The following KSR2 variants were observed in gnomAD, a reference collection of about 807,000 sequenced individuals.
The protein encoded by KSR2 is kinase suppressor of ras 2.
Under a neutral mutation model 107.8 loss-of-function variants are expected in KSR2, and 25 were observed. That is an observed-to-expected ratio of 0.23 (90% CI 0.17 to 0.32). The LOEUF is 0.32. KSR2 is among the 10% of genes least tolerant of loss of function. The probability of loss-of-function intolerance (pLI) is 1.00; values close to 1 mark genes in which losing one functional copy is unlikely to be tolerated. For missense variants in KSR2, 887 were observed against 1,268.9 expected (o/e 0.70, Z 4.57); for synonymous variants, 480 against 507.0 (o/e 0.95, Z 0.71).
intron 14 of KSR2, chr12:117,517,742 C>T: frequency 2.3e-6 from 1 of 431,594 alleles, no homozygotes; most frequent in South Asian, 1.7e-5. Context: ...GAAAGCGATT[C>T]AGCTTTTTGA....
At chr12:117,572,492 G>C (rs1401283872) in intron 7 of KSR2, among the ~76,000 whole-genome samples, 5 of 152,030 alleles carry the variant, frequency 3.3e-5, no homozygotes, top group Non-Finnish European at 7.4e-5. Flanking sequence ...TGAGCATCTC[G>C]AGGACAAGTT....
At chr12:117,947,205 A>AAAGAAAGAAAGAAAGAAAGAAAG (rs58567161) in intron 1 of KSR2, among the ~76,000 whole-genome samples, 11 of 69,256 alleles carry the variant, frequency 1.6e-4, no homozygotes, top group East Asian at 9.1e-4. Flanking sequence ...GAAAAGAAAG[A>AAAGAAAGAAAGAAAGAAAGAAAG]AAAGAAAGAA....
chr12:117,612,402 C>CA (rs11436103), intron 5 of KSR2, among the ~76,000 whole-genome samples: 7,265 of 123,548 alleles, frequency 0.059, 588 homozygotes, highest in African/African-American at 0.2. Context: ...GTCTCCGTCT[C>CA]AAAAACAAAA....
At chr12:117,534,100 C>A (rs1875855911) in intron 10 of KSR2, among the ~76,000 whole-genome samples, 1 of 151,832 alleles carries the variant, frequency 6.6e-6, no homozygotes, top group South Asian at 2.1e-4. Flanking sequence ...TGGGAGGCTG[C>A]AGATGAAGTC....
At chr12:117,572,373 C>T (rs1878948892) in intron 7 of KSR2, among the ~76,000 whole-genome samples, 1 of 152,142 alleles carries the variant, frequency 6.6e-6, no homozygotes, top group Non-Finnish European at 1.5e-5. Flanking sequence ...ATGCTCAGAG[C>T]CTGGTCCAGG....
chr12:117,682,428 T>G (rs1885404912), intron 4 of KSR2, among the ~76,000 whole-genome samples: 1 of 152,148 alleles, frequency 6.6e-6, no homozygotes, highest in Non-Finnish European at 1.5e-5. Flanking sequence ...TTTTTGTTTT[T>G]TTTTTTGAGA....
At chr12:117,958,768 C>CGGA (rs1448052560) in intron 1 of KSR2, among the ~76,000 whole-genome samples, 1 of 152,062 alleles carries the variant, frequency 6.6e-6, no homozygotes, top group Non-Finnish European at 1.5e-5. Context: ...TTGTAGTGAG[C>CGGA]GGAGATCACG....
At chr12:117,800,100 C>A (rs2084926574) in intron 3 of KSR2, among the ~76,000 whole-genome samples, 1 of 152,122 alleles carries the variant, frequency 6.6e-6, no homozygotes. Flanking sequence ...TTCTGAAGGC[C>A]CTTTGTATGT....
chr12:117,522,293 G>A (rs2137228662), intron 14 of KSR2, among the ~76,000 whole-genome samples: 1 of 152,242 alleles, frequency 6.6e-6, no homozygotes, highest in East Asian at 1.9e-4. Context: ...GGGTGAGGGA[G>A]GCATGGGGAT....
At chr12:117,947,353 TAGAA>T (rs1422847052) in intron 1 of KSR2, among the ~76,000 whole-genome samples, 25 of 152,066 alleles carry the variant, frequency 1.6e-4, no homozygotes, top group African/African-American at 4.6e-4. Context: ...GAGCCAGGAA[TAGAA>T]AGAAACTTCT....
At chr12:117,826,609 C>A (rs1219404846) in intron 3 of KSR2, among the ~76,000 whole-genome samples, 1 of 152,106 alleles carries the variant, frequency 6.6e-6, no homozygotes, top group Non-Finnish European at 1.5e-5. Flanking sequence ...GCAAGAGACA[C>A]ATGAAGTGTG....
At position 117,765,554 on chromosome 12, in the gene KSR2, A is replaced by G. The variant is rs192951208; in HGVS notation, c.473-4030T>C. On this transcript the variant is annotated intron_variant, in intron 3 of 19. Coordinates refer to ENST00000339824, the MANE Select transcript of KSR2 (RefSeq NM_173598.6). ...ACAAATATTTGAACACCCTTTACGT[A>G]CCAGGCACTGTTGTGGACACCAGAA... 3.9e-5 allele frequency among the ~76,000 whole-genome samples: 6 copies of G among 152,328 alleles called. No homozygotes were observed. The East Asian group carries it at 1.2e-3, about 29-fold the overall frequency.
At chr12:117,967,832 C>G (rs1896842937) in intron 1 of KSR2, among the ~76,000 whole-genome samples, 1 of 152,060 alleles carries the variant, frequency 6.6e-6, no homozygotes, top group African/African-American at 2.4e-5. Flanking sequence ...ATTACTACTA[C>G]TACTACCACC....
At position 117,907,308 on chromosome 12, in the gene KSR2, CACAGAGATGAA is replaced by C. The variant is rs569576557; in HGVS notation, c.181-46888_181-46878del. On this transcript the variant is annotated intron_variant, in intron 1 of 19. Transcript: ENST00000339824. The surrounding 1 kb of genome is among the most constrained non-coding windows in gnomAD (Gnocchi z 4.3). Reference sequence around the variant, plus strand: ...TGGGGGCGTCCTGACATGCTGACGCCACAGAGATGAAACAGGTGCACTCTCTTTGAGCCAGG... The same window carrying C: ...TGGGGGCGTCCTGACATGCTGACGCCACAGGTGCACTCTCTTTGAGCCAGG... 4.7e-4 allele frequency among the ~76,000 whole-genome samples: 71 copies of C among 152,254 alleles called. No individual in the cohort carries two copies. Among genetic ancestry groups the C allele is most frequent in the Admixed American group, 2.2e-3 (34 of 15,276 alleles).
intron 4 of KSR2, among the ~76,000 whole-genome samples, chr12:117,727,437 G>A (rs1404111175): frequency 6.7e-6 from 1 of 150,366 alleles, no homozygotes; most frequent in Non-Finnish European, 1.5e-5. Flanking sequence ...GGAAGGAGGA[G>A]GAGGAGGAAC....
At chr12:117,958,589 G>C (rs1896577602) in intron 1 of KSR2, among the ~76,000 whole-genome samples, 1 of 152,210 alleles carries the variant, frequency 6.6e-6, no homozygotes, top group African/African-American at 2.4e-5. Flanking sequence ...GGGAGGCCTA[G>C]GCGGGCAGAT....
chr12:117,461,407 T>C lies in KSR2; in HGVS notation c.*5792A>G, dbSNP rs1045058108. 1.3e-5 allele frequency: 2 copies of C among 152,264 alleles called. No individual in the cohort carries two copies. The highest frequency in any genetic ancestry group is 4.8e-5 in the African/African-American group (2 of 41,454). The allele number at this position is 152,264 out of a possible 1,614,324, so 9.4% of individuals were successfully genotyped here. A position where few individuals can be genotyped will look rare whatever the true frequency, so the allele number is the denominator to read the frequency against. Reference sequence around the variant, plus strand: ...CTTCTAACTCCCTGTGCCAGGGTCTTACTCTTACCCAGCAAACCTCTCTGT... The same window carrying C: ...CTTCTAACTCCCTGTGCCAGGGTCTCACTCTTACCCAGCAAACCTCTCTGT... On this transcript the variant is annotated 3_prime_UTR_variant, in exon 20 of 20. Transcript: ENST00000339824.
At chr12:117,610,522 C>T (rs931910239) in intron 5 of KSR2, among the ~76,000 whole-genome samples, 4 of 152,046 alleles carry the variant, frequency 2.6e-5, no homozygotes, top group Non-Finnish European at 5.9e-5. Flanking sequence ...GGCAGATAGG[C>T]AGATCTCTTG....
At chr12:117,905,250 GA>G (rs1894803081) in intron 1 of KSR2, among the ~76,000 whole-genome samples, 1 of 152,008 alleles carries the variant, frequency 6.6e-6, no homozygotes, top group Non-Finnish European at 1.5e-5. Context: ...GATAGCTTAT[GA>G]TAAAAAATTT....
Sources: gnomAD v4.1 joint callset for allele counts (sites outside exome capture counted in the v4.1 genomes callset) on GRCh38, gnomAD v4.1.1 for gene constraint, Gnocchi (gnomAD v3.1) non-coding constraint, MANE v1.5 for transcripts, NCBI Gene and HGNC (gene_info 2026-07-23, HGNC 2026-07-21) for gene names.